GALNT7: variants seen among roughly 807,000 people sequenced by gnomAD.
The protein encoded by GALNT7 is polypeptide N-acetylgalactosaminyltransferase 7.
GALNT7 carries 60 observed loss-of-function variants against 82.1 expected under a neutral mutation model. The observed-to-expected ratio is 0.73, with a 90% CI of 0.59 to 0.91. The LOEUF (loss-of-function observed/expected upper bound fraction) is 0.91. Ranked by LOEUF, GALNT7 falls within the 40% of genes least tolerant of loss-of-function variation. GALNT7 has a pLI of 0.00. For missense variants in GALNT7, 660 were observed against 804.2 expected, an observed-to-expected ratio of 0.82 and a Z score of 2.17; for synonymous variants, 243 against 275.1, an observed-to-expected ratio of 0.88 and a Z score of 1.15.
At chr4:173,170,444 A>G (rs988145364) in intron 1 of GALNT7, among the ~76,000 whole-genome samples, 2 of 152,222 alleles carry the variant, frequency 1.3e-5, no homozygotes, top group African/African-American at 2.4e-5. Flanking sequence ...CTCTTCGCCT[A>G]TATCATGAGA....
At chr4:173,180,591 G>A (rs944456479) in intron 1 of GALNT7, among the ~76,000 whole-genome samples, 1 of 152,170 alleles carries the variant, frequency 6.6e-6, no homozygotes, top group Non-Finnish European at 1.5e-5. Flanking sequence ...GTTTCCCAAA[G>A]TGCTGGGATT....
intron 1 of GALNT7, among the ~76,000 whole-genome samples, chr4:173,183,817 C>T (rs995942801): frequency 3.3e-5 from 5 of 151,148 alleles, no homozygotes; most frequent in East Asian, 2.0e-4. Context: ...GCTGGCCGGG[C>T]GGGGACTGTC....
intron 1 of GALNT7, among the ~76,000 whole-genome samples, chr4:173,207,124 CACTT>C (rs562388490): frequency 4.9e-4 from 75 of 152,264 alleles, no homozygotes; most frequent in African/African-American, 1.0e-3. Flanking sequence ...GCCCTTTCTT[CACTT>C]GTTTTTCATA....
chr4:173,286,298 C>T (rs1736320087), intron 2 of GALNT7, among the ~76,000 whole-genome samples: 1 of 152,238 alleles, frequency 6.6e-6, no homozygotes, highest in African/African-American at 2.4e-5. Context: ...GGCAGGTTTT[C>T]CTCTGGACCA....
At chr4:173,314,506 A>G (rs1471707002) in intron 9 of GALNT7, among the ~76,000 whole-genome samples, 3 of 152,172 alleles carry the variant, frequency 2.0e-5, no homozygotes, top group East Asian at 3.9e-4. Flanking sequence ...GAGATCACCA[A>G]TACTGAAAAG....
intron 1 of GALNT7, among the ~76,000 whole-genome samples, chr4:173,195,288 T>C (rs191995857): frequency 3.2e-4 from 49 of 152,314 alleles, no homozygotes; most frequent in African/African-American, 9.4e-4. Flanking sequence ...AAATGACCTA[T>C]AAACGCAGGA....
At chr4:173,194,317 AT>A (rs1732710773) in intron 1 of GALNT7, among the ~76,000 whole-genome samples, 1 of 152,254 alleles carries the variant, frequency 6.6e-6, no homozygotes, top group African/African-American at 2.4e-5. Context: ...GGCAATTTAA[AT>A]TTAAAGAAGG....
chr4:173,281,576 C>T (rs1430084407), intron 2 of GALNT7, among the ~76,000 whole-genome samples: 1 of 152,186 alleles, frequency 6.6e-6, no homozygotes, highest in African/African-American at 2.4e-5. Context: ...ACCCTACAGC[C>T]AAGGGAGACT....
At chr4:173,183,842 C>T (rs1023731485) in intron 1 of GALNT7, among the ~76,000 whole-genome samples, 3 of 150,570 alleles carry the variant, frequency 2.0e-5, no homozygotes, top group African/African-American at 5.0e-5. Context: ...ACCTCCCAGA[C>T]GGGGCGGCTG....
At chr4:173,304,590 A>G (rs1737075077) in intron 8 of GALNT7, among the ~76,000 whole-genome samples, 2 of 151,980 alleles carry the variant, frequency 1.3e-5, no homozygotes, top group African/African-American at 4.8e-5. Flanking sequence ...CAATTTTCAT[A>G]TATGTAATAT....
At chr4:173,266,781 T>C (rs182384138) in intron 2 of GALNT7, among the ~76,000 whole-genome samples, 24 of 152,036 alleles carry the variant, frequency 1.6e-4, no homozygotes, top group Non-Finnish European at 3.2e-4. Flanking sequence ...GAAAGACAAG[T>C]ATTGCATGTT....
intron 8 of GALNT7, among the ~76,000 whole-genome samples, chr4:173,307,706 A>C (rs1737211138): frequency 6.6e-6 from 1 of 152,208 alleles, no homozygotes. Flanking sequence ...GGCCTGGAGC[A>C]TGAACGAACT....
intron 6 of GALNT7, 79 bp downstream of exon 6, chr4:173,298,376 C>T (rs1436809847): frequency 1.1e-5 from 10 of 926,374 alleles, no homozygotes; most frequent in Admixed American, 3.0e-5. Context: ...GCTAAAGATT[C>T]GTTATTAAAA....
Position 173,237,583 on chromosome 4 carries a change from T to G in GALNT7, c.127-10397T>G, listed in dbSNP as rs371291318. ...TTTTCTGTTGGTGACTTTAATTTCCTATAAGGTTTTTAGGAAGGTTTGGAA... is the reference window on the plus strand; with the variant it reads ...TTTTCTGTTGGTGACTTTAATTTCCGATAAGGTTTTTAGGAAGGTTTGGAA... On this transcript the variant is annotated intron_variant, in intron 1 of 11. Coordinates refer to ENST00000265000, the MANE Select transcript of GALNT7 (RefSeq NM_017423.3). Among the ~76,000 whole-genome samples the G allele has an allele frequency of 2.8e-4, 42 of 152,312 alleles. 1 individual carries two copies. The East Asian group carries it at 5.2e-3, about 19-fold the overall frequency.
chr4:173,310,977 T>C, intron 8 of GALNT7, among the ~76,000 whole-genome samples: 1 of 152,160 alleles, frequency 6.6e-6, no homozygotes, highest in East Asian at 1.9e-4. Flanking sequence ...CCCAAAGTGC[T>C]GGGATCAGAG....
At chr4:173,287,299 AG>A (rs1307071321) in intron 2 of GALNT7, among the ~76,000 whole-genome samples, 1 of 152,210 alleles carries the variant, frequency 6.6e-6, no homozygotes, top group Non-Finnish European at 1.5e-5. Flanking sequence ...TGGTCCTCCA[AG>A]GGCACTGGTA....
chr4:173,255,743 G>A (rs532366332), intron 2 of GALNT7, among the ~76,000 whole-genome samples: 2 of 152,280 alleles, frequency 1.3e-5, no homozygotes, highest in African/African-American at 4.8e-5. Context: ...TTTAGTCATT[G>A]TTCTCTGCCA....
At chr4:173,183,757 A>G (rs1732358286) in intron 1 of GALNT7, among the ~76,000 whole-genome samples, 2 of 140,794 alleles carry the variant, frequency 1.4e-5, no homozygotes, top group Admixed American at 7.0e-5. Context: ...CACCTCCCGG[A>G]CGGGGCGGCT....
In GALNT7 at chr4:173,292,170, A is replaced by G; in HGVS notation, c.650A>G (p.Asn217Ser). 2 of 1,608,160 alleles carry G rather than the reference A, an allele frequency of 1.2e-6. No individual in the cohort carries two copies. Among genetic ancestry groups the G allele is most frequent in the Non-Finnish European group, 8.5e-7 (1 of 1,176,076 alleles). Residue 217 changes from asparagine to serine, a missense_variant, in exon 3 of 12, where the codon AAT (asparagine) becomes AGT (serine). Physicochemically the swap from Asn to Ser is conservative, Grantham distance 46. Coordinates refer to ENST00000265000, the MANE Select transcript of GALNT7 (RefSeq NM_017423.3). The surrounding 1 kb of genome is among the most constrained non-coding windows in gnomAD (Gnocchi z 4.8). Reference sequence around the variant, plus strand: ...TCGAGCGTTGTCATTGTCTTCCATAATGAAGGATGGTCAACCCTCATGAGA... The same window carrying G: ...TCGAGCGTTGTCATTGTCTTCCATAGTGAAGGATGGTCAACCCTCATGAGA... ...LTSSVVIVFH[N>S]EGWSTLMRTV...
Sources: allele counts gnomAD v4.1 joint callset (sites outside exome capture counted in the v4.1 genomes callset), GRCh38; gene constraint gnomAD v4.1.1; non-coding constraint Gnocchi (gnomAD v3.1); transcripts MANE v1.5; gene names NCBI Gene and HGNC (gene_info 2026-07-23, HGNC 2026-07-21).